Variants in SCN9A observed in about 807,000 individuals in gnomAD.
SCN9A encodes sodium voltage-gated channel alpha subunit 9.
Under a neutral mutation model 187.0 loss-of-function variants are expected in SCN9A, and 131 were observed. That is an observed-to-expected ratio of 0.70 (90% confidence interval 0.61 to 0.81). The LOEUF (loss-of-function observed/expected upper bound fraction) is 0.81, where lower values mean the gene tolerates loss of function less well. Among genes scored for constraint, SCN9A ranks in the 30% least tolerant of loss-of-function variants. The probability of loss-of-function intolerance (pLI) is 0.00; values close to 1 mark genes in which losing one functional copy is unlikely to be tolerated. For synonymous variants in SCN9A, 809 were observed against 808.6 expected, an observed-to-expected ratio of 1.00 and a Z score of -0.01; for missense variants, 2,252 against 2,396.6, an observed-to-expected ratio of 0.94 and a Z score of 1.26.
intron 7 of SCN9A, among the ~76,000 whole-genome samples, chr2:166,295,702 G>A (rs1315826954): frequency 1.3e-5 from 2 of 152,194 alleles, no homozygotes; most frequent in Admixed American, 6.5e-5. Flanking sequence ...ACATAAGTGA[G>A]TAAAATTTGT....
At chr2:166,335,192 T>G (rs1173453379) in intron 1 of SCN9A, among the ~76,000 whole-genome samples, 1 of 152,148 alleles carries the variant, frequency 6.6e-6, no homozygotes, top group South Asian at 2.1e-4. Flanking sequence ...ACCCAGGAAT[T>G]GAAAAGATTG....
At chr2:166,349,114 C>CA (rs1448937387) in intron 1 of SCN9A, among the ~76,000 whole-genome samples, 1 of 145,726 alleles carries the variant, frequency 6.9e-6, no homozygotes, top group African/African-American at 2.6e-5. Context: ...GCAACAAGAG[C>CA]AAAACTCCGT....
intron 17 of SCN9A, among the ~76,000 whole-genome samples, chr2:166,262,108 C>T (rs919852781): frequency 6.6e-6 from 1 of 151,894 alleles, no homozygotes; most frequent in Non-Finnish European, 1.5e-5. Flanking sequence ...CTCATAGTTA[C>T]CTCAGCAAGG....
intron 1 of SCN9A, among the ~76,000 whole-genome samples, chr2:166,338,357 T>A (rs937526481): frequency 1.3e-5 from 2 of 152,082 alleles, no homozygotes; most frequent in African/African-American, 4.8e-5. Context: ...TTTTTCTCTT[T>A]CGGTGCTCTT....
At chr2:166,259,431 G>A (rs571075004) in intron 17 of SCN9A, 5 of 151,834 alleles carry the variant, frequency 3.3e-5, no homozygotes, top group African/African-American at 9.6e-5. Flanking sequence ...TATACTCAAC[G>A]TTAAGCAATA....
intron 10 of SCN9A, 106 bp from the exon 11 acceptor site, chr2:166,286,729 A>G (rs1396017912): frequency 1.3e-6 from 1 of 757,740 alleles, no homozygotes; most frequent in East Asian, 2.9e-5. Flanking sequence ...GGTGCATATA[A>G]TCATGTCCTT....
At chr2:166,295,263 G>A (rs1316475542) in intron 7 of SCN9A, among the ~76,000 whole-genome samples, 1 of 152,198 alleles carries the variant, frequency 6.6e-6, no homozygotes, top group Non-Finnish European at 1.5e-5. Flanking sequence ...GTAGGCAGGG[G>A]CCGGATCATG....
At chr2:166,305,549 G>A (rs62178526) in intron 5 of SCN9A, among the ~76,000 whole-genome samples, 20,341 of 152,038 alleles carry the variant, frequency 0.13, 1,436 homozygotes, top group Admixed American at 0.18. Context: ...ATCCATCCAA[G>A]TGCTGAGCAT....
chr2:166,359,349 C>T (rs1221997869), intron 1 of SCN9A, among the ~76,000 whole-genome samples: 1 of 152,010 alleles, frequency 6.6e-6, no homozygotes, highest in Admixed American at 6.6e-5. Flanking sequence ...TTTAATACCT[C>T]TTCTTTAGAT....
intron 26 of SCN9A, among the ~76,000 whole-genome samples, chr2:166,201,439 A>G (rs1384198659): frequency 7.4e-6 from 1 of 134,300 alleles, no homozygotes; most frequent in East Asian, 2.1e-4. Context: ...TATATATAGT[A>G]TAGAGTATGC....
chr2:166,199,224 A>T lies in SCN9A; in HGVS notation c.5415T>A (p.Phe1805Leu). ...GAAGAGGAGGATCCAGGGCAGCTGC[A>T]AAATCAGAGAGTTTAGAGAACTCTA... ...QFIEFSKLSD[F>L]AAALDPPLLI... Residue 1805 changes from phenylalanine to leucine, a missense_variant, in exon 27 of 27, where the codon TTT becomes TTA. By Grantham distance (22) the Phe-to-Leu change is conservative. Transcript: ENST00000642356. 4 of 1,614,182 alleles carry T rather than the reference A, an allele frequency of 2.5e-6. No individual in the cohort carries two copies. The highest frequency in any genetic ancestry group is 3.4e-6 in the Non-Finnish European group (4 of 1,180,038).
At chr2:166,260,300 T>C in intron 17 of SCN9A, among the ~76,000 whole-genome samples, 1 of 151,876 alleles carries the variant, frequency 6.6e-6, no homozygotes, top group East Asian at 1.9e-4. Context: ...AATAGATGAA[T>C]GGGTGGATAG....
chr2:166,237,835 GA>G (rs1316069977), intron 20 of SCN9A, among the ~76,000 whole-genome samples: 1 of 151,900 alleles, frequency 6.6e-6, no homozygotes, highest in Non-Finnish European at 1.5e-5. Flanking sequence ...CTCCTTTGCA[GA>G]AAACATAAAA....
intron 12 of SCN9A, among the ~76,000 whole-genome samples, chr2:166,282,766 G>A (rs978373920): frequency 2.6e-5 from 4 of 152,112 alleles, no homozygotes; most frequent in African/African-American, 9.7e-5. Flanking sequence ...ATATGTGCAT[G>A]GGTGTATTAT....
chr2:166,292,816 TCTTTAA>T (rs1698136872), intron 9 of SCN9A, among the ~76,000 whole-genome samples: 2 of 152,172 alleles, frequency 1.3e-5, no homozygotes, highest in African/African-American at 2.4e-5. Context: ...ATGAATTGCA[TCTTTAA>T]CTTTAAATAG....
intron 26 of SCN9A, among the ~76,000 whole-genome samples, chr2:166,201,479 GTATACTA>G (rs1558942582): frequency 4.4e-5 from 5 of 113,708 alleles, no homozygotes; most frequent in African/African-American, 1.6e-4. Context: ...TAGAGTATGC[GTATACTA>G]TATATATAGT....
Position 166,298,210 on chromosome 2 carries a change from G to A in SCN9A, c.902-3548C>T, listed in dbSNP as rs191727224. Reference sequence around the variant, plus strand: ...AGATGAAGGAGATAGGAAAATTCCTGTTAGTAGTGAAGGCCAATATTGCGG... The same window carrying A: ...AGATGAAGGAGATAGGAAAATTCCTATTAGTAGTGAAGGCCAATATTGCGG... On this transcript the variant is annotated intron_variant, in intron 7 of 26. Transcript: ENST00000642356. 3.3e-5 allele frequency among the ~76,000 whole-genome samples: 5 copies of A among 152,286 alleles called. No individual in the cohort carries two copies. The East Asian group carries it at 9.7e-4, about 29-fold the overall frequency.
Position 166,358,204 on chromosome 2 carries a change from G to A in SCN9A, c.-51+17493C>T, listed in dbSNP as rs143020225. ...CCTGCCTCAGCCTCCTGAGTAGCTCGGATTAGAGGTACCCACCACCACACC... is the reference window on the plus strand; with the variant it reads ...CCTGCCTCAGCCTCCTGAGTAGCTCAGATTAGAGGTACCCACCACCACACC... On this transcript the variant is annotated intron_variant, in intron 1 of 26. Coordinates refer to ENST00000642356, the MANE Select transcript of SCN9A (RefSeq NM_001365536.1). Among the ~76,000 whole-genome samples the A allele has an allele frequency of 9.8e-3, 1,484 of 151,802 alleles. 25 individuals are homozygous for A. The highest frequency in any genetic ancestry group is 0.031 in the African/African-American group (1,297 of 41,370).
chr2:166,262,238 C>CA (rs1425171684), intron 17 of SCN9A, among the ~76,000 whole-genome samples: 3 of 151,542 alleles, frequency 2.0e-5, no homozygotes, highest in African/African-American at 7.3e-5. Flanking sequence ...TTAATATATG[C>CA]AAAAATAAAT....
Sources: gnomAD v4.1 joint callset for allele counts (sites outside exome capture counted in the v4.1 genomes callset) on GRCh38, gnomAD v4.1.1 for gene constraint, MANE v1.5 for transcripts, NCBI Gene and HGNC (gene_info 2026-07-23, HGNC 2026-07-21) for gene names.